The following HSPG2 variants were observed in gnomAD, a reference collection of about 807,000 sequenced individuals.
The protein encoded by HSPG2 is basement membrane-specific heparan sulfate proteoglycan core protein.
In HSPG2, 278 loss-of-function variants were observed where a neutral mutation model predicts 526.6. The observed-to-expected ratio is 0.53, with a 90% CI of 0.48 to 0.58. HSPG2 has a LOEUF of 0.58. HSPG2 is among the 20% of genes least tolerant of loss of function. The pLI is 0.00. For synonymous variants in HSPG2, 2,465 were observed against 2,555.4 expected (o/e 0.96, Z 1.07); for missense variants, 5,354 against 6,099.5 (o/e 0.88, Z 4.07).
At chr1:21,907,375 C>T (rs1188560687) in intron 1 of HSPG2, among the ~76,000 whole-genome samples, 1 of 152,162 alleles carries the variant, frequency 6.6e-6, no homozygotes, top group African/African-American at 2.4e-5. Context: ...CTTCCCTTCT[C>T]TGGGCCTCAG....
chr1:21,832,515 C>G lies in HSPG2; in HGVS notation c.11187G>C (p.Val3729=), dbSNP rs2229487. The G allele has an allele frequency of 1.9e-5, 31 of 1,614,092 alleles. No homozygotes were observed. The highest frequency in any genetic ancestry group is 8.3e-5 in the Admixed American group (5 of 60,022). The part of the protein sequence containing the change: ...RQPDFISFGL[V]GGRPEFRFDA... ...CTCACCGGAACTCGGGCCTTCCCCC[C>G]ACGAGGCCGAAGGAGATGAAGTCGG... Residue 3729 remains valine, a synonymous_variant, in exon 81 of 97, where the codon GTG becomes GTC. Coordinates refer to ENST00000374695, the MANE Select transcript of HSPG2 (RefSeq NM_005529.7).
chr1:21,915,183 G>A (rs1216137223), intron 1 of HSPG2, among the ~76,000 whole-genome samples: 6 of 103,316 alleles, frequency 5.8e-5, no homozygotes, highest in South Asian at 4.6e-4. Flanking sequence ...ATACGGGCGC[G>A]TTAGAGCGGG....
At position 21,854,617 on chromosome 1, in the gene HSPG2, G is replaced by A. The variant is rs1397949479; in HGVS notation, c.6282C>T (p.His2094=). 2 of 1,564,430 alleles carry A rather than the reference G, an allele frequency of 1.3e-6. No homozygotes were observed. The highest frequency in any genetic ancestry group is 8.7e-7 in the Non-Finnish European group (1 of 1,152,612). Residue 2094 remains histidine (H), a synonymous_variant, in exon 49 of 97, where the codon CAC becomes CAT. Coordinates refer to ENST00000374695, the MANE Select transcript of HSPG2 (RefSeq NM_005529.7). ...WYRRGGSLPP[H]TQVHGSRLRL... is the part of the protein sequence containing the mutation. ...AGGCTCAGGGCCCACATACCTGGGT[G>A]TGGGGAGGCAGGCTACCCCCTCGCC...
chr1:21,847,353 C>T lies in HSPG2; in HGVS notation c.8164+1G>A. The T allele has an allele frequency of 6.2e-7, 1 of 1,613,992 alleles. No individual in the cohort carries two copies. Among genetic ancestry groups the T allele is most frequent in the Non-Finnish European group, 8.5e-7 (1 of 1,180,030 alleles). ...CTCGTCCCTTTCCTAGGCAGACTCA[C>T]CGGAGGGGCTGCCGGCGCTAGGGGA... On this transcript the variant is annotated splice_donor_variant, in intron 62 of 96. Coordinates refer to ENST00000374695, the MANE Select transcript of HSPG2 (RefSeq NM_005529.7). LOFTEE classifies it high-confidence loss of function. The surrounding 1 kb of genome is among the most constrained non-coding windows in gnomAD (Gnocchi z 4.1).
At chr1:21,845,969 T>C in intron 64 of HSPG2, 139 bp downstream of exon 64, 1 of 1,039,402 alleles carries the variant, frequency 9.6e-7, no homozygotes, top group South Asian at 1.4e-5. Flanking sequence ...ACCGTGTGGG[T>C]GGCGGGAGGT....
Position 21,895,484 on chromosome 1 carries a change from C to T in HSPG2, c.244+438G>A, listed in dbSNP as rs1344118871. On this transcript the variant is annotated intron_variant, in intron 3 of 96. Transcript: ENST00000374695. The surrounding 1 kb of genome is among the most constrained non-coding windows in gnomAD (Gnocchi z 4.1). Reference sequence around the variant, plus strand: ...TCAGGCTCGATCTGTGCTCTGCATGCCCTGCTGCCTGCCTGAATGCCCGAT... The same window carrying T: ...TCAGGCTCGATCTGTGCTCTGCATGTCCTGCTGCCTGCCTGAATGCCCGAT... Among the ~76,000 whole-genome samples, 1 of 152,204 alleles carries T rather than the reference C, an allele frequency of 6.6e-6. No homozygotes were observed. The highest frequency in any genetic ancestry group is 1.5e-5 in the Non-Finnish European group (1 of 68,030).
chr1:21,906,496 G>T (rs867573363), intron 1 of HSPG2, among the ~76,000 whole-genome samples: 7 of 152,328 alleles, frequency 4.6e-5, no homozygotes, highest in Middle Eastern at 3.4e-3. Context: ...GGGCAGGCAG[G>T]GCCAGGCCCA....
chr1:21,836,697 G>T, intron 75 of HSPG2, 105 bp downstream of exon 75: 1 of 949,652 alleles, frequency 1.1e-6, no homozygotes, highest in Non-Finnish European at 1.6e-6. Context: ...TGTGTCCAAG[G>T]ACAGTGCTTC....
In HSPG2 at chr1:21,853,985, AAC is replaced by A; in HGVS notation, c.6439+206_6439+207del. ...TCTGCTGCTTCCTGACAAATTCTGA[AAC>A]AGTCACTCATAGGGAGCCCAGGTAA... On this transcript the variant is annotated intron_variant, in intron 50 of 96. Coordinates refer to ENST00000374695, the MANE Select transcript of HSPG2 (RefSeq NM_005529.7). The A allele has an allele frequency of 3.8e-6, 2 of 528,846 alleles. 1 individual carries two copies. Among genetic ancestry groups the A allele is most frequent in the South Asian group, 6.0e-5 (2 of 33,152 alleles). 32.8% of individuals were successfully genotyped at this position (528,846 alleles called of 1,614,324 possible).
chr1:21,875,834 C>T, intron 24 of HSPG2, 29 bp downstream of exon 24: 2 of 1,612,334 alleles, frequency 1.2e-6, no homozygotes, highest in Non-Finnish European at 8.5e-7. Flanking sequence ...CTGCCCGCAC[C>T]CCTACCCCCA....
At chr1:21,856,790 G>A (rs1639374719) in intron 44 of HSPG2, among the ~76,000 whole-genome samples, 1 of 152,186 alleles carries the variant, frequency 6.6e-6, no homozygotes, top group South Asian at 2.1e-4. Context: ...TATCTTGCTT[G>A]TTCATTTATT....
chr1:21,829,412 T>C lies in HSPG2; in HGVS notation c.11963A>G (p.His3988Arg). ...DFVSLAMVGG[H>R]LEFRYELGSG... ...CCCCAACTCATAGCGGAACTCCAGG[T>C]GGCCGCCCACCATCGCCAGGGACAC... is the stretch of plus-strand genomic sequence containing the variant. The change falls in exon 87 of 97, where the codon CAC (histidine) becomes CGC (arginine). Residue 3988 changes from histidine (H) to arginine (R), a missense_variant. Coordinates refer to ENST00000374695, the MANE Select transcript of HSPG2 (RefSeq NM_005529.7). The C allele has an allele frequency of 6.2e-7, 1 of 1,613,326 alleles. No homozygotes were observed. The highest frequency in any genetic ancestry group is 8.5e-7 in the Non-Finnish European group (1 of 1,179,886).
chr1:21,842,689 T>C, intron 67 of HSPG2, 81 bp downstream of exon 67: 7 of 1,577,722 alleles, frequency 4.4e-6, no homozygotes, highest in Non-Finnish European at 6.1e-6. Context: ...AGGCTGGTGT[T>C]TGCATGAGGT....
chr1:21,921,800 G>A lies in HSPG2; in HGVS notation c.63+15355C>T, dbSNP rs1159298403. Among the ~76,000 whole-genome samples the A allele has an allele frequency of 3.3e-5, 5 of 152,180 alleles. No homozygotes were observed. In the South Asian group the frequency reaches 6.2e-4, roughly 19 times the overall value. Reference sequence around the variant, plus strand: ...TCTGGCAGTGGAGAGGGAAAGCTTGGACCACCAGCTGTCCAGGAAGGCTCA... The same window carrying A: ...TCTGGCAGTGGAGAGGGAAAGCTTGAACCACCAGCTGTCCAGGAAGGCTCA... On this transcript the variant is annotated intron_variant, in intron 1 of 96. Coordinates refer to ENST00000374695, the MANE Select transcript of HSPG2 (RefSeq NM_005529.7).
intron 67 of HSPG2, 89 bp downstream of exon 67, chr1:21,842,681 G>T (rs1447841158): frequency 1.9e-6 from 3 of 1,549,268 alleles, no homozygotes; most frequent in African/African-American, 2.7e-5. Flanking sequence ...CCCCAAGCAG[G>T]CTGGTGTTTG....
intron 69 of HSPG2, 62 bp from the exon 70 acceptor site, chr1:21,841,735 C>G: frequency 1.2e-6 from 2 of 1,600,658 alleles, no homozygotes; most frequent in Non-Finnish European, 1.7e-6. Flanking sequence ...TGTCTTGGTG[C>G]TGCCAGCCTG....
At position 21,835,614 on chromosome 1, in the gene HSPG2, C is replaced by T; in HGVS notation, c.10379G>A (p.Cys3460Tyr). Reference sequence around the variant, plus strand: ...GGCCTGGCATATATACGTCCCTTGGCAGCTCTGGTCCAAGTTCTGGATTCT... The same window carrying T: ...GGCCTGGCATATATACGTCCCTTGGTAGCTCTGGTCCAAGTTCTGGATTCT... The part of the protein sequence containing the change: ...VLRIQNLDQS[C>Y]QGTYICQAHG... Residue 3460 changes from cysteine to tyrosine, a missense_variant, in exon 76 of 97, where the codon TGC (cysteine) becomes TAC (tyrosine). Transcript: ENST00000374695. 6.2e-7 allele frequency: 1 copy of T among 1,613,826 alleles called. No individual in the cohort carries two copies. Among genetic ancestry groups the T allele is most frequent in the Non-Finnish European group, 8.5e-7 (1 of 1,179,716 alleles).
chr1:21,872,571 A>C lies in HSPG2; in HGVS notation c.4029+49T>G. 6.4e-7 allele frequency: 1 copy of C among 1,555,980 alleles called. No homozygotes were observed. Among genetic ancestry groups the C allele is most frequent in the Non-Finnish European group, 8.7e-7 (1 of 1,149,736 alleles). ...GCTCAGTGCTCAGATGGACAGTAAC[A>C]GGCAGCAGGTGGCAACACCGCCTGG... On this transcript the variant is annotated intron_variant, in intron 32 of 96. Coordinates refer to ENST00000374695, the MANE Select transcript of HSPG2 (RefSeq NM_005529.7). This position sits in a 1 kb window ranked among gnomAD's most constrained non-coding sequence, Gnocchi z 5.5.
intron 57 of HSPG2, among the ~76,000 whole-genome samples, chr1:21,849,705 A>G (rs531459380): frequency 6.6e-6 from 1 of 150,938 alleles, no homozygotes; most frequent in East Asian, 2.0e-4. Context: ...TTTGAGACGG[A>G]GTCTTGCTCT....
Sources: allele counts gnomAD v4.1 joint callset (sites outside exome capture counted in the v4.1 genomes callset), GRCh38; gene constraint gnomAD v4.1.1; non-coding constraint Gnocchi (gnomAD v3.1); transcripts MANE v1.5; gene names NCBI Gene and HGNC (gene_info 2026-07-23, HGNC 2026-07-21).